The following FAM120C variants were observed in gnomAD, a reference collection of about 807,000 sequenced individuals.
The protein encoded by FAM120C is family with sequence similarity 120 member C.
In FAM120C, 14 loss-of-function variants were observed where a neutral mutation model predicts 71.2. That is an observed-to-expected ratio of 0.20 (90% CI 0.13 to 0.31). The LOEUF (loss-of-function observed/expected upper bound fraction) is 0.31. FAM120C is among the 10% of genes least tolerant of loss of function. FAM120C has a pLI of 1.00. For synonymous variants in FAM120C, 354 were observed against 353.2 expected, an observed-to-expected ratio of 1.00 and a Z score of -0.03; for missense variants, 500 against 879.0, an observed-to-expected ratio of 0.57 and a Z score of 5.45.
At chrX:54,163,011 T>C (rs782251071) in intron 1 of FAM120C, among the ~76,000 whole-genome samples, 3 of 111,434 alleles carry the variant, frequency 2.7e-5, no homozygotes, top group Non-Finnish European at 5.7e-5. Context: ...AATCAAAAAA[T>C]GGAAAATAAT....
At chrX:54,088,389 C>T (rs902443575) in intron 11 of FAM120C, among the ~76,000 whole-genome samples, 1 of 108,947 alleles carries the variant, frequency 9.2e-6, no homozygotes. Context: ...GTCAGGAGTT[C>T]GAGACCAGCC....
chrX:54,150,473 T>C (rs1452510781), intron 4 of FAM120C, among the ~76,000 whole-genome samples: 2 of 111,754 alleles, frequency 1.8e-5, no homozygotes, highest in African/African-American at 6.5e-5. Flanking sequence ...ATGTGTACAT[T>C]TTTAAAAATT....
At chrX:54,116,815 A>G (rs782819988) in intron 9 of FAM120C, 21 bp from the exon 10 acceptor site, 3 of 1,203,768 alleles carry the variant, frequency 2.5e-6, no homozygotes. Flanking sequence ...GAAATTGAGG[A>G]AAAAGAGGCT....
chrX:54,097,753 C>G (rs1452036073), intron 10 of FAM120C, among the ~76,000 whole-genome samples: 9 of 110,926 alleles, frequency 8.1e-5, no homozygotes, highest in Admixed American at 1.9e-4. Context: ...TTGAGATGGA[C>G]TCTCGCTCTG....
chrX:54,147,794 A>G (rs1460877454), intron 4 of FAM120C: 2 of 111,631 alleles, frequency 1.8e-5, no homozygotes. Flanking sequence ...TCTCGGGTTC[A>G]AGCGATTCTC....
chrX:54,127,576 C>A (rs987732938), intron 9 of FAM120C, among the ~76,000 whole-genome samples: 1 of 92,695 alleles, frequency 1.1e-5, no homozygotes, highest in Non-Finnish European at 2.1e-5. Flanking sequence ...ACAAACAAGA[C>A]TCCATCTCAA....
At chrX:54,153,085 A>G (rs1313760610) in intron 3 of FAM120C, among the ~76,000 whole-genome samples, 1 of 111,461 alleles carries the variant, frequency 9.0e-6, no homozygotes, top group Admixed American at 9.7e-5. Context: ...AGTGCTGTGC[A>G]GAGAAGAGTA....
intron 4 of FAM120C, among the ~76,000 whole-genome samples, chrX:54,147,989 G>A (rs782793811): frequency 2.5e-4 from 28 of 111,530 alleles, no homozygotes; most frequent in African/African-American, 9.1e-4. Context: ...GAGCCACCAC[G>A]TCCGGCCAAT....
chrX:54,114,989 C>T (rs984041027), intron 10 of FAM120C, among the ~76,000 whole-genome samples: 3 of 110,404 alleles, frequency 2.7e-5, no homozygotes, highest in Non-Finnish European at 5.7e-5. Context: ...GAACTCCTGG[C>T]CTCAAGTGAT....
chrX:54,087,744 C>T lies in FAM120C; in HGVS notation c.2637+11G>A. On this transcript the variant is annotated intron_variant, in intron 12 of 15. Coordinates refer to ENST00000375180, the MANE Select transcript of FAM120C (RefSeq NM_017848.6). ...TCAGAGCTAGTCCTTAGCAGCCTGA[C>T]ATGCTGGTACCTGGCCATCACAGAG... The T allele has an allele frequency of 8.3e-7, 1 of 1,206,293 alleles. No homozygotes were observed. The highest frequency in any genetic ancestry group is 1.8e-5 in the South Asian group (1 of 56,555).
intron 9 of FAM120C, among the ~76,000 whole-genome samples, chrX:54,117,697 GAAAAAAAAAC>G (rs1195068324): frequency 6.0e-5 from 6 of 99,494 alleles, no homozygotes; most frequent in South Asian, 4.4e-4. Context: ...GACTTCGTTT[GAAAAAAAAAC>G]AAAAAAAAAC....
intron 10 of FAM120C, among the ~76,000 whole-genome samples, chrX:54,105,447 A>G (rs1569531991): frequency 8.9e-6 from 1 of 111,993 alleles, no homozygotes; most frequent in South Asian, 3.7e-4. Flanking sequence ...CCCACAGCCA[A>G]TATCACACTG....
chrX:54,158,994 G>A (rs1056808260), intron 2 of FAM120C, among the ~76,000 whole-genome samples: 3 of 111,755 alleles, frequency 2.7e-5, no homozygotes, highest in Admixed American at 9.6e-5. Flanking sequence ...TTGTCTTTCC[G>A]ATCTAAATTG....
At chrX:54,149,760 C>T (rs2067175691) in intron 4 of FAM120C, among the ~76,000 whole-genome samples, 1 of 111,312 alleles carries the variant, frequency 9.0e-6, no homozygotes, top group South Asian at 3.7e-4. Context: ...GGTGTTATTA[C>T]AAAGGGATAG....
intron 9 of FAM120C, among the ~76,000 whole-genome samples, chrX:54,131,162 T>G (rs994308784): frequency 3.6e-5 from 4 of 112,233 alleles, no homozygotes; most frequent in Non-Finnish European, 7.5e-5. Flanking sequence ...CTGTGTAGCT[T>G]AAAATACTTC....
intron 10 of FAM120C, among the ~76,000 whole-genome samples, chrX:54,107,787 G>A (rs1468036255): frequency 9.7e-6 from 1 of 102,850 alleles, no homozygotes; most frequent in Non-Finnish European, 2.0e-5. Context: ...CTCCCAAAGT[G>A]CTGGGATTAC....
intron 1 of FAM120C, among the ~76,000 whole-genome samples, chrX:54,167,818 AT>A (rs1199434931): frequency 9.8e-6 from 1 of 102,473 alleles, no homozygotes; most frequent in Non-Finnish European, 1.9e-5. Context: ...AAAAAAAAAA[AT>A]TAGCCGGGTG....
At chrX:54,161,410 T>C (rs886705074) in intron 1 of FAM120C, among the ~76,000 whole-genome samples, 2 of 111,544 alleles carry the variant, frequency 1.8e-5, no homozygotes, top group Non-Finnish European at 3.8e-5. Context: ...AGTCTCTAGG[T>C]GTCACCAAAG....
At chrX:54,142,626 G>A (rs1434279342) in intron 4 of FAM120C, among the ~76,000 whole-genome samples, 1 of 112,142 alleles carries the variant, frequency 8.9e-6, no homozygotes, top group Non-Finnish European at 1.9e-5. Flanking sequence ...ACAGCTCAAG[G>A]AGGACTGCCT....
Sources: allele counts gnomAD v4.1 joint callset (sites outside exome capture counted in the v4.1 genomes callset), GRCh38; gene constraint gnomAD v4.1.1; transcripts MANE v1.5; gene names NCBI Gene and HGNC (gene_info 2026-07-23, HGNC 2026-07-21).